TRIM38: variants seen among roughly 807,000 people sequenced by gnomAD.
The protein encoded by TRIM38 is tripartite motif containing 38.
TRIM38 carries 35 observed loss-of-function variants against 35.8 expected under a neutral mutation model. That is an observed-to-expected ratio of 0.98 (90% CI 0.75 to 1.30). The LOEUF is 1.30. Among genes scored for constraint, TRIM38 ranks in the 50% most tolerant of loss-of-function variants. The probability of loss-of-function intolerance (pLI) is 0.00; values close to 1 mark genes in which losing one functional copy is unlikely to be tolerated. For synonymous variants in TRIM38, 198 were observed against 204.7 expected (o/e 0.97, Z 0.28); for missense variants, 545 against 556.9 (o/e 0.98, Z 0.21).
intron 6 of TRIM38, 42 bp downstream of exon 6, chr6:25,973,118 A>G: frequency 2.5e-6 from 4 of 1,614,164 alleles, no homozygotes; most frequent in Non-Finnish European, 3.4e-6. Flanking sequence ...GTGTGCGTAT[A>G]TAGAAATGAA....
intron 7 of TRIM38, chr6:25,973,923 C>A (rs1760314888): frequency 4.2e-6 from 4 of 956,878 alleles, no homozygotes; most frequent in Non-Finnish European, 5.0e-6. Context: ...AGTACAAAAT[C>A]AAAAAAACCC....
chr6:25,973,509 A>C, intron 7 of TRIM38: 1 of 984,910 alleles, frequency 1.0e-6, no homozygotes, highest in Non-Finnish European at 1.2e-6. Context: ...TTATTCTTTC[A>C]CTTATTAGCC....
At chr6:25,976,415 G>A (rs1399566340) in intron 7 of TRIM38, among the ~76,000 whole-genome samples, 1 of 152,160 alleles carries the variant, frequency 6.6e-6, no homozygotes, top group Non-Finnish European at 1.5e-5. Flanking sequence ...CCACAGGCAA[G>A]CACTGCCACG....
intron 3 of TRIM38, among the ~76,000 whole-genome samples, chr6:25,967,362 G>A (rs968255826): frequency 2.0e-5 from 3 of 152,020 alleles, no homozygotes; most frequent in Admixed American, 1.3e-4. Flanking sequence ...TGTCTGCCTG[G>A]AGGTCCCTGG....
chr6:25,978,974 T>C (rs1760473851), intron 7 of TRIM38, among the ~76,000 whole-genome samples: 1 of 152,166 alleles, frequency 6.6e-6, no homozygotes, highest in South Asian at 2.1e-4. Flanking sequence ...GGCCTGATTA[T>C]TGTACACATT....
chr6:25,967,040 C>A, intron 3 of TRIM38, 107 bp downstream of exon 3: 1 of 1,195,364 alleles, frequency 8.4e-7, no homozygotes, highest in Non-Finnish European at 1.2e-6. Context: ...GGAAATACAG[C>A]TTTCATCATG....
chr6:25,975,666 G>A, intron 7 of TRIM38: 1 of 976,614 alleles, frequency 1.0e-6, no homozygotes, highest in African/African-American at 1.8e-5. Context: ...TCTCCAATCT[G>A]ACTTCTCTAG....
At chr6:25,974,991 T>C in intron 7 of TRIM38, 10 of 983,830 alleles carry the variant, frequency 1.0e-5, no homozygotes, top group Non-Finnish European at 1.2e-5. Context: ...ACAGAAGGAA[T>C]CATAATATGG....
chr6:25,983,014 A>T (rs1053378744), intron 7 of TRIM38, 150 bp from the exon 8 acceptor site: 50 of 675,044 alleles, frequency 7.4e-5, no homozygotes, highest in South Asian at 6.9e-5. Flanking sequence ...GCCTGAATCC[A>T]GGAGGTGGAG....
chr6:25,977,910 C>T (rs1490248558), intron 7 of TRIM38, among the ~76,000 whole-genome samples: 1 of 152,028 alleles, frequency 6.6e-6, no homozygotes, highest in Non-Finnish European at 1.5e-5. Context: ...ACCTTCTTTT[C>T]CCGTAACTAT....
At chr6:25,967,389 G>A (rs781528129) in intron 3 of TRIM38, among the ~76,000 whole-genome samples, 21 of 151,976 alleles carry the variant, frequency 1.4e-4, no homozygotes, top group Non-Finnish European at 1.3e-4. Flanking sequence ...TGGTGGGGAG[G>A]GACATTTAGG....
intron 7 of TRIM38, among the ~76,000 whole-genome samples, chr6:25,977,650 G>C (rs1462897374): frequency 6.9e-6 from 1 of 144,610 alleles, no homozygotes; most frequent in Non-Finnish European, 1.5e-5. Flanking sequence ...TTGAGCGACA[G>C]AGTAAGACTC....
At chr6:25,965,324 A>G (rs1347567) in intron 2 of TRIM38, among the ~76,000 whole-genome samples, 17,798 of 152,228 alleles carry the variant, frequency 0.12, 2,038 homozygotes, top group East Asian at 0.62. Context: ...TGGCAACTGG[A>G]ACAGAAAAAC....
At chr6:25,974,635 CTTTA>C (rs1217026442) in intron 7 of TRIM38, among the ~76,000 whole-genome samples, 2 of 152,170 alleles carry the variant, frequency 1.3e-5, no homozygotes. Context: ...ATTTAAAAGT[CTTTA>C]TTTATCCCAC....
At chr6:25,974,925 C>A in intron 7 of TRIM38, 1 of 985,340 alleles carries the variant, frequency 1.0e-6, no homozygotes, top group Non-Finnish European at 1.2e-6. Context: ...AAGAACAAGA[C>A]TTTGTGTAAG....
rs1235643158 is a variant in TRIM38 at position 25,966,338 on chromosome 6, C to T, written c.-185C>T. ...AGCCTCAACTTCTTCCTTTTAGGTCCTCTTTTCTTCAATACAAAATGAGAT... is the reference window on the plus strand; with the variant it reads ...AGCCTCAACTTCTTCCTTTTAGGTCTTCTTTTCTTCAATACAAAATGAGAT... On this transcript the variant is annotated 5_prime_UTR_variant, in exon 3 of 8. Transcript: ENST00000357085. 4 of 594,890 alleles carry T rather than the reference C, an allele frequency of 6.7e-6. No individual in the cohort carries two copies. Among genetic ancestry groups the T allele is most frequent in the Non-Finnish European group, 1.1e-5 (4 of 373,566 alleles). 36.9% of individuals were successfully genotyped at this position (594,890 alleles called of 1,614,324 possible).
chr6:25,982,207 G>A (rs925068368), intron 7 of TRIM38, among the ~76,000 whole-genome samples: 9 of 152,166 alleles, frequency 5.9e-5, no homozygotes, highest in African/African-American at 1.4e-4. Flanking sequence ...TCTGGAAAGT[G>A]CACAGACTTG....
rs755520782 is a variant in TRIM38, at chr6:25,983,491, C to T, written c.1202C>T (p.Thr401Ile). The T allele has an allele frequency of 1.2e-6, 2 of 1,614,126 alleles. No homozygotes were observed. The highest frequency in any genetic ancestry group is 1.1e-5 in the South Asian group (1 of 91,080). ...TATGTAGCACTTACTTCTCCCCCAA[C>T]TTCCCTTCATCTGCATGAGCAGCCC... The part of the protein sequence containing the change: ...KGYVALTSPP[T>I]SLHLHEQPLL... Residue 401 changes from threonine to isoleucine, a missense_variant, in exon 8 of 8, where the codon ACT (threonine) becomes ATT (isoleucine). Thr to Ile is a moderately conservative substitution (Grantham distance 89). Transcript: ENST00000357085.
chr6:25,980,347 C>T (rs1377766370), intron 7 of TRIM38, among the ~76,000 whole-genome samples: 1 of 151,972 alleles, frequency 6.6e-6, no homozygotes, highest in Non-Finnish European at 1.5e-5. Context: ...CAATTCTAAA[C>T]ATGAATTCAC....
Sources: allele counts gnomAD v4.1 joint callset (sites outside exome capture counted in the v4.1 genomes callset), GRCh38; gene constraint gnomAD v4.1.1; transcripts MANE v1.5; gene names NCBI Gene and HGNC (gene_info 2026-07-23, HGNC 2026-07-21).